The following CFAP47 variants were observed in gnomAD, a reference collection of about 807,000 sequenced individuals.
The protein encoded by CFAP47 is cilia- and flagella-associated protein 47.
Under a neutral mutation model 148.1 loss-of-function variants are expected in CFAP47, and 29 were observed. The ratio of observed to expected loss-of-function variants is 0.20; its 90% CI spans 0.15 to 0.27. The LOEUF (loss-of-function observed/expected upper bound fraction) is 0.27. CFAP47 is among the 10% of genes least tolerant of loss of function. The pLI is 1.00. For missense variants in CFAP47, 1,872 were observed against 1,697.5 expected (o/e 1.10, Z -1.81); for synonymous variants, 664 against 577.3 (o/e 1.15, Z -2.15).
chrX:36,131,050 T>C (rs1433165737), intron 33 of CFAP47, among the ~76,000 whole-genome samples: 2 of 110,618 alleles, frequency 1.8e-5, no homozygotes, highest in African/African-American at 6.6e-5. Flanking sequence ...ACAACTGTAC[T>C]TGTTAAAATG....
At chrX:36,223,539 A>G (rs1940236791) in intron 45 of CFAP47, among the ~76,000 whole-genome samples, 1 of 111,593 alleles carries the variant, frequency 9.0e-6, no homozygotes, top group Non-Finnish European at 1.9e-5. Context: ...TATAGAAGGC[A>G]GTGTTCAACT....
intron 48 of CFAP47, among the ~76,000 whole-genome samples, chrX:36,248,531 G>T (rs5973624): frequency 0.28 from 28,253 of 100,945 alleles, 4,911 homozygotes; most frequent in African/African-American, 0.64. Flanking sequence ...CACAACAACA[G>T]AGCCTGAAAA....
chrX:36,037,113 T>G (rs926000364), intron 24 of CFAP47, among the ~76,000 whole-genome samples: 4 of 111,908 alleles, frequency 3.6e-5, no homozygotes, highest in African/African-American at 1.3e-4. Flanking sequence ...ATATTCTGGT[T>G]TGAAAGAAAT....
chrX:35,970,948 A>G, intron 11 of CFAP47, 25 bp downstream of exon 11: 1 of 1,159,671 alleles, frequency 8.6e-7, no homozygotes. Context: ...CTCAAAAAAT[A>G]TGCAACAGAT....
chrX:35,968,477 A>C (rs1478573458), intron 10 of CFAP47, among the ~76,000 whole-genome samples: 1 of 111,909 alleles, frequency 8.9e-6, no homozygotes, highest in Non-Finnish European at 1.9e-5. Flanking sequence ...CCCTGTGCCC[A>C]GGAATAGTTT....
Position 36,200,380 on chromosome X carries a change from T to A in CFAP47, c.6323T>A (p.Ile2108Asn), listed in dbSNP as rs1182422606. 1.7e-5 allele frequency: 5 copies of A among 295,313 alleles called. No individual in the cohort carries two copies. Among genetic ancestry groups the A allele is most frequent in the African/African-American group, 1.4e-4 (5 of 36,411 alleles). The allele number at this position is 295,313 out of a possible 1,213,427, so 24.3% of individuals were successfully genotyped here. A position where few individuals can be genotyped will look rare whatever the true frequency, so the allele number is the denominator to read the frequency against. The part of the protein sequence containing the change: ...YCVIILSNKK[I>N]GQLIYVAEGK... ...ATACTATAATGTCTTGTGTTTTAGATTGGACAATTAATATATGTTGCGGAA... is the reference window on the plus strand; with the variant it reads ...ATACTATAATGTCTTGTGTTTTAGAATGGACAATTAATATATGTTGCGGAA... Residue 2108 changes from isoleucine (I) to asparagine (N), a missense_variant and splice_region_variant, in exon 43 of 64, where the codon ATT becomes AAT. Transcript: ENST00000378653.
intron 32 of CFAP47, 28 bp from the exon 33 acceptor site, chrX:36,104,471 T>G: frequency 1.8e-6 from 1 of 557,138 alleles, no homozygotes; most frequent in Non-Finnish European, 2.7e-6. Context: ...CATTTGCATC[T>G]AATAAAAGTT....
intron 18 of CFAP47, 128 bp from the exon 19 acceptor site, chrX:35,997,184 C>G (rs1936857801): frequency 4.0e-6 from 1 of 252,937 alleles, no homozygotes; most frequent in Non-Finnish European, 7.0e-6. Context: ...CAGAAAAAAT[C>G]TTGTGCATTT....
chrX:36,170,580 AATG>A (rs1381119791), intron 39 of CFAP47, among the ~76,000 whole-genome samples: 4 of 110,543 alleles, frequency 3.6e-5, no homozygotes, highest in Non-Finnish European at 7.6e-5. Context: ...GTTTACCGAG[AATG>A]ATGATTTCCA....
intron 16 of CFAP47, chrX:35,989,713 T>A (rs1275830095): frequency 2.2e-5 from 14 of 636,663 alleles, no homozygotes; most frequent in Non-Finnish European, 3.1e-5. Context: ...GAGGGAAAGC[T>A]GTAATATGCA....
chrX:36,233,739 G>T (rs1435154924), intron 46 of CFAP47, among the ~76,000 whole-genome samples: 1 of 111,427 alleles, frequency 9.0e-6, no homozygotes, highest in African/African-American at 3.3e-5. Context: ...GCATGATTTT[G>T]CAGTGGCTGG....
rs782756094 is a variant in CFAP47, at chrX:36,279,509, G to A, written c.7445-978G>A. On this transcript the variant is annotated intron_variant, in intron 49 of 63. Coordinates refer to ENST00000378653, the MANE Select transcript of CFAP47 (RefSeq NM_001304548.2). ...TTGCTGTAAACTATTTGATTTTGATGCATGGCTAGAAACATACAGTTTTGT... is the reference window on the plus strand; with the variant it reads ...TTGCTGTAAACTATTTGATTTTGATACATGGCTAGAAACATACAGTTTTGT... Among the ~76,000 whole-genome samples, 3 of 111,660 alleles carry A rather than the reference G, an allele frequency of 2.7e-5. No individual in the cohort carries two copies. The East Asian group carries it at 8.4e-4, about 31-fold the overall frequency.
intron 57 of CFAP47, among the ~76,000 whole-genome samples, chrX:36,324,468 A>AT (rs1440374975): frequency 3.6e-5 from 4 of 111,706 alleles, no homozygotes; most frequent in Non-Finnish European, 7.5e-5. Context: ...GGGACTGAGC[A>AT]TTATGGTCAA....
intron 45 of CFAP47, among the ~76,000 whole-genome samples, chrX:36,210,059 A>G (rs1940083363): frequency 8.9e-6 from 1 of 112,100 alleles, no homozygotes; most frequent in South Asian, 3.7e-4. Flanking sequence ...ATCAAATAAT[A>G]TTCCATTTTG....
chrX:36,097,707 G>C (rs955097142), intron 30 of CFAP47, among the ~76,000 whole-genome samples: 6 of 110,849 alleles, frequency 5.4e-5, no homozygotes, highest in Admixed American at 9.7e-5. Flanking sequence ...TGGGAGACTG[G>C]TTATTTAATG....
chrX:35,927,154 CA>C (rs35155006), intron 2 of CFAP47, among the ~76,000 whole-genome samples: 16,253 of 88,380 alleles, frequency 0.18, 1,123 homozygotes, highest in South Asian at 0.26. Context: ...GACCCTATCT[CA>C]AAAAAAAAAA....
intron 39 of CFAP47, among the ~76,000 whole-genome samples, chrX:36,165,780 G>A (rs781102682): frequency 9.0e-6 from 1 of 110,995 alleles, no homozygotes; most frequent in African/African-American, 3.3e-5. Context: ...TTTCTCCTTG[G>A]CCTACAGATA....
chrX:35,925,387 A>T (rs780936486), intron 1 of CFAP47, among the ~76,000 whole-genome samples: 5 of 110,712 alleles, frequency 4.5e-5, no homozygotes, highest in Non-Finnish European at 9.4e-5. Flanking sequence ...AAAAAAAATA[A>T]TAATGTATAT....
chrX:36,164,093 A>G (rs1033791974), intron 39 of CFAP47, among the ~76,000 whole-genome samples: 4 of 111,538 alleles, frequency 3.6e-5, no homozygotes, highest in Non-Finnish European at 5.6e-5. Flanking sequence ...GATTTGTTTT[A>G]TGGCGTATCA....
Sources: allele counts gnomAD v4.1 joint callset (sites outside exome capture counted in the v4.1 genomes callset), GRCh38; gene constraint gnomAD v4.1.1; transcripts MANE v1.5; gene names NCBI Gene and HGNC (gene_info 2026-07-23, HGNC 2026-07-21).